The following DIAPH2 variants were observed in gnomAD, a reference collection of about 807,000 sequenced individuals.
DIAPH2 encodes protein diaphanous homolog 2.
DIAPH2 carries 35 observed loss-of-function variants against 92.7 expected under a neutral mutation model. That is an observed-to-expected ratio of 0.38 (90% confidence interval 0.29 to 0.50). The LOEUF is 0.50. DIAPH2 is among the 20% of genes least tolerant of loss of function. The pLI, the probability that DIAPH2 is intolerant of heterozygous loss-of-function variation, is 0.94. For synonymous variants in DIAPH2, 301 were observed against 280.4 expected, an observed-to-expected ratio of 1.07 and a Z score of -0.73; for missense variants, 701 against 819.5, an observed-to-expected ratio of 0.86 and a Z score of 1.77.
At chrX:97,075,041 G>T in intron 18 of DIAPH2, 126 bp from the exon 19 acceptor site, 2 of 399,827 alleles carry the variant, frequency 5.0e-6, no homozygotes, top group Non-Finnish European at 4.3e-6. Flanking sequence ...ACTTTTGTTT[G>T]TTCATAATTC....
intron 4 of DIAPH2, among the ~76,000 whole-genome samples, chrX:96,873,293 G>T (rs1202766768): frequency 9.0e-6 from 1 of 111,404 alleles, no homozygotes; most frequent in Non-Finnish European, 1.9e-5. Context: ...TTTTTTTCCT[G>T]TTGAGTTGCT....
chrX:96,886,509 G>A (rs1017044919), intron 5 of DIAPH2, among the ~76,000 whole-genome samples: 2 of 111,261 alleles, frequency 1.8e-5, no homozygotes, highest in Admixed American at 1.9e-4. Flanking sequence ...TAAGCTTTGT[G>A]ATGCATATTT....
chrX:96,712,390 G>A (rs1038950384), intron 1 of DIAPH2, among the ~76,000 whole-genome samples: 2 of 109,744 alleles, frequency 1.8e-5, no homozygotes, highest in Non-Finnish European at 3.8e-5. Flanking sequence ...AGTACCATAT[G>A]TACATAATTA....
chrX:97,231,318 T>C (rs1349028709), intron 22 of DIAPH2, among the ~76,000 whole-genome samples: 1 of 107,114 alleles, frequency 9.3e-6, no homozygotes, highest in Admixed American at 1.0e-4. Context: ...GAAGAGTTAA[T>C]TGGCTTACAA....
intron 4 of DIAPH2, among the ~76,000 whole-genome samples, chrX:96,800,163 C>T (rs1486667982): frequency 1.8e-5 from 2 of 111,872 alleles, no homozygotes; most frequent in Non-Finnish European, 3.8e-5. Flanking sequence ...TGAAATTTTT[C>T]ACTATTTATG....
chrX:96,707,851 A>T (rs1338796941), intron 1 of DIAPH2, among the ~76,000 whole-genome samples: 2 of 111,339 alleles, frequency 1.8e-5, no homozygotes, highest in Non-Finnish European at 3.8e-5. Flanking sequence ...AGTTCTGCGG[A>T]TGCTAGGAGC....
chrX:97,038,596 G>A (rs368503560), intron 17 of DIAPH2, among the ~76,000 whole-genome samples: 2 of 104,945 alleles, frequency 1.9e-5, no homozygotes, highest in African/African-American at 3.5e-5. Context: ...GTGCAGTGGC[G>A]TGATCTCGTC....
intron 4 of DIAPH2, among the ~76,000 whole-genome samples, chrX:96,842,109 C>T (rs1388832396): frequency 9.0e-6 from 1 of 111,442 alleles, no homozygotes; most frequent in Non-Finnish European, 1.9e-5. Flanking sequence ...CAGGCTTGGG[C>T]TCAGAGGCCT....
At chrX:97,070,481 C>G (rs2066662116) in intron 17 of DIAPH2, among the ~76,000 whole-genome samples, 1 of 111,668 alleles carries the variant, frequency 9.0e-6, no homozygotes, top group East Asian at 2.8e-4. Context: ...GTGTTGAACA[C>G]TATAGGGATA....
At chrX:96,761,372 A>T (rs1218647300) in intron 4 of DIAPH2, among the ~76,000 whole-genome samples, 1 of 109,819 alleles carries the variant, frequency 9.1e-6, no homozygotes, top group African/African-American at 3.3e-5. Flanking sequence ...TCAGTAGGAA[A>T]TAATTTAAAA....
intron 4 of DIAPH2, among the ~76,000 whole-genome samples, chrX:96,791,793 A>G (rs2064504055): frequency 1.8e-5 from 2 of 110,804 alleles, no homozygotes; most frequent in African/African-American, 6.6e-5. Flanking sequence ...AGGCAATGTG[A>G]TAAATGTTTT....
chrX:97,265,090 A>G lies in DIAPH2; in HGVS notation c.2844+17251A>G, dbSNP rs369103048. 2.1e-4 allele frequency among the ~76,000 whole-genome samples: 23 copies of G among 112,122 alleles called. No individual in the cohort carries two copies. The East Asian group carries it at 5.0e-3, about 25-fold the overall frequency. On this transcript the variant is annotated intron_variant, in intron 23 of 26. Coordinates refer to ENST00000324765, the MANE Select transcript of DIAPH2 (RefSeq NM_006729.5). ...GTTAGTCTACTATTATTTTTGTTCC[A>G]GTATCTCATCAAGTCAAATAAGCAC...
intron 1 of DIAPH2, among the ~76,000 whole-genome samples, chrX:96,694,947 CTTTTTTTTTT>C (rs781695336): frequency 1.1e-5 from 1 of 90,215 alleles, no homozygotes; most frequent in Non-Finnish European, 2.2e-5. Flanking sequence ...AGCTAATGGT[CTTTTTTTTTT>C]TTTTTTTTGA....
chrX:96,980,500 T>C (rs2065989064), intron 17 of DIAPH2, among the ~76,000 whole-genome samples: 1 of 109,163 alleles, frequency 9.2e-6, no homozygotes, highest in South Asian at 4.0e-4. Context: ...TGGGTCAGAG[T>C]TGGTTTTGGG....
intron 22 of DIAPH2, among the ~76,000 whole-genome samples, chrX:97,221,557 T>C (rs942503984): frequency 1.8e-5 from 2 of 112,006 alleles, no homozygotes; most frequent in Admixed American, 1.9e-4. Flanking sequence ...TTAAAAATAC[T>C]ATTTGCACAA....
At chrX:97,387,055 T>G (rs763035959) in intron 25 of DIAPH2, among the ~76,000 whole-genome samples, 1 of 111,467 alleles carries the variant, frequency 9.0e-6, no homozygotes, top group South Asian at 3.7e-4. Context: ...TTTTGTTTTG[T>G]TTTTTTGTTT....
intron 26 of DIAPH2, among the ~76,000 whole-genome samples, chrX:97,500,457 A>C (rs1436729573): frequency 9.1e-6 from 1 of 110,294 alleles, no homozygotes; most frequent in Non-Finnish European, 1.9e-5. Flanking sequence ...AAAGGGGGCC[A>C]GTTTTGTTTC....
intron 23 of DIAPH2, among the ~76,000 whole-genome samples, chrX:97,319,654 G>A (rs1296397905): frequency 9.1e-6 from 1 of 110,464 alleles, no homozygotes; most frequent in African/African-American, 3.3e-5. Flanking sequence ...CCAAAGTGCT[G>A]GGATAACAGG....
At chrX:96,708,723 G>A (rs2063901279) in intron 1 of DIAPH2, among the ~76,000 whole-genome samples, 1 of 112,793 alleles carries the variant, frequency 8.9e-6, no homozygotes, top group Admixed American at 9.4e-5. Flanking sequence ...TATCTGTCAA[G>A]TAGCACAATA....
Sources: allele counts gnomAD v4.1 joint callset (sites outside exome capture counted in the v4.1 genomes callset), GRCh38; gene constraint gnomAD v4.1.1; transcripts MANE v1.5; gene names NCBI Gene and HGNC (gene_info 2026-07-23, HGNC 2026-07-21).